Variants in TICRR observed in about 807,000 individuals in gnomAD.
TICRR encodes the protein treslin.
TICRR carries 132 observed loss-of-function variants against 178.1 expected under a neutral mutation model. The observed-to-expected ratio is 0.74, with a 90% CI of 0.64 to 0.86. The LOEUF is 0.86. Ranked by LOEUF, TICRR falls within the 40% of genes least tolerant of loss-of-function variation. The probability of loss-of-function intolerance (pLI) is 0.00; values close to 1 mark genes in which losing one functional copy is unlikely to be tolerated. For missense variants in TICRR, 2,587 were observed against 2,334.3 expected, an observed-to-expected ratio of 1.11 and a Z score of -2.23; for synonymous variants, 991 against 900.7, an observed-to-expected ratio of 1.10 and a Z score of -1.79.
Position 89,576,006 on chromosome 15 carries a change from C to A in TICRR, c.420C>A (p.Ala140=), listed in dbSNP as rs773301628. 14 of 1,607,956 alleles carry A rather than the reference C, an allele frequency of 8.7e-6. No homozygotes were observed. The highest frequency in any genetic ancestry group is 2.2e-5 in the South Asian group (2 of 90,570). ...GRRLLDVESE[A]KEAEAALGGL... ...GACTGCTGGACGTGGAGAGCGAGGC[C>A]AAGGAGGCCGAGGCCGCGCTCGGGG... The change falls in exon 1 of 22, where the codon GCC becomes GCA. Residue 140 remains alanine, a synonymous_variant. Coordinates refer to ENST00000268138, the MANE Select transcript of TICRR (RefSeq NM_152259.4).
chr15:89,622,803 G>A (rs1394467133), intron 19 of TICRR, among the ~76,000 whole-genome samples: 3 of 152,062 alleles, frequency 2.0e-5, no homozygotes, highest in African/African-American at 7.2e-5. Context: ...CCTACAGGCC[G>A]CCACCACCCC....
intron 7 of TICRR, among the ~76,000 whole-genome samples, chr15:89,599,114 T>C (rs8024868): frequency 0.83 from 125,113 of 151,006 alleles, 52,560 homozygotes; most frequent in Non-Finnish European, 0.92. Context: ...CTGTCCTATG[T>C]ATTGTAGGAT....
In TICRR at chr15:89,627,348, A is replaced by G. The variant is rs1339832839; in HGVS notation, c.*262A>G. 2.3e-6 allele frequency: 1 copy of G among 429,838 alleles called. No homozygotes were observed. The highest frequency in any genetic ancestry group is 4.5e-5 in the South Asian group (1 of 22,002). 26.6% of individuals were successfully genotyped at this position (429,838 alleles called of 1,614,324 possible). On this transcript the variant is annotated 3_prime_UTR_variant, in exon 22 of 22. Transcript: ENST00000268138. The stretch of plus-strand genomic sequence containing the variant: ...GGCAGCCTGGGAGTCAGGAACCCAG[A>G]CAAGGAATCCCATTCCAGCCTCACC...
intron 19 of TICRR, among the ~76,000 whole-genome samples, chr15:89,622,419 T>C (rs1380982639): frequency 6.6e-6 from 1 of 152,224 alleles, no homozygotes; most frequent in African/African-American, 2.4e-5. Flanking sequence ...CAGAGTGATC[T>C]TTCTGAAACA....
chr15:89,610,708 T>G (rs1008988286), intron 15 of TICRR, among the ~76,000 whole-genome samples: 6 of 152,202 alleles, frequency 3.9e-5, no homozygotes, highest in Admixed American at 6.5e-5. Flanking sequence ...TAATTACTAA[T>G]AAGGAACAAC....
At chr15:89,618,279 T>C in intron 17 of TICRR, 69 bp downstream of exon 17, 2 of 1,395,956 alleles carry the variant, frequency 1.4e-6, no homozygotes, top group South Asian at 1.2e-5. Flanking sequence ...CTGTATGTAT[T>C]GTTACTTGGC....
chr15:89,622,668 TC>T (rs1473598909), intron 19 of TICRR, among the ~76,000 whole-genome samples: 1 of 152,180 alleles, frequency 6.6e-6, no homozygotes, highest in African/African-American at 2.4e-5. Context: ...GGCAGGGTCT[TC>T]CGTGGTCTGT....
chr15:89,576,025 C>T lies in TICRR; in HGVS notation c.439C>T (p.Leu147Phe), dbSNP rs750280303. ...ESEAKEAEAALGGLVNAVFLL... is the reference protein window; with the variant it reads ...ESEAKEAEAAFGGLVNAVFLL... ...CGAGGCCAAGGAGGCCGAGGCCGCG[C>T]TCGGGGGCTTGGTGAACGCCGTCTT... Residue 147 changes from leucine (L) to phenylalanine (F), a missense_variant, in exon 1 of 22, where the codon CTC becomes TTC. Transcript: ENST00000268138. 11 of 1,609,724 alleles carry T rather than the reference C, an allele frequency of 6.8e-6. No homozygotes were observed. In the South Asian group the frequency reaches 1.1e-4, roughly 16 times the overall value.
At position 89,625,508 on chromosome 15, in the gene TICRR, C is replaced by A. The variant is rs1401929637; in HGVS notation, c.5198C>A (p.Pro1733His). 4.3e-6 allele frequency: 7 copies of A among 1,613,774 alleles called. No homozygotes were observed. The Admixed American group carries it at 8.3e-5, about 19-fold the overall frequency. The change falls in exon 20 of 22, where the codon CCC (proline) becomes CAC (histidine). Residue 1733 changes from proline to histidine, a missense_variant. Physicochemically the swap from Pro to His is moderately conservative, Grantham distance 77. Coordinates refer to ENST00000268138, the MANE Select transcript of TICRR (RefSeq NM_152259.4). Reference protein sequence around the residue: ...HGLELSIHRTPILEDFELEGV... With the variant: ...HGLELSIHRTHILEDFELEGV... ...CTTGAACTCAGCATCCACAGGACGCCCATCTTGGAGGATTTTGAGCTCGAG... is the reference window on the plus strand; with the variant it reads ...CTTGAACTCAGCATCCACAGGACGCACATCTTGGAGGATTTTGAGCTCGAG...
chr15:89,592,853 C>T (rs1962935743), intron 5 of TICRR, among the ~76,000 whole-genome samples: 1 of 152,146 alleles, frequency 6.6e-6, no homozygotes, highest in Non-Finnish European at 1.5e-5. Flanking sequence ...GTTCCAACAC[C>T]ATTTGCTAAA....
intron 13 of TICRR, 143 bp from the exon 14 acceptor site, chr15:89,606,625 C>T: frequency 2.9e-6 from 2 of 695,404 alleles, no homozygotes; most frequent in South Asian, 1.8e-5. Context: ...GTTTTTGGAA[C>T]ATTTCTGTTG....
chr15:89,619,765 C>T lies in TICRR; in HGVS notation c.3077C>T (p.Ser1026Phe), dbSNP rs532159490. Residue 1026 changes from serine to phenylalanine, a missense_variant, in exon 18 of 22, where the codon TCT becomes TTT. Ser to Phe is a radical substitution (Grantham distance 155). Coordinates refer to ENST00000268138, the MANE Select transcript of TICRR (RefSeq NM_152259.4). ...CAGTTGTCATTTAGCAGGACACATTCTGCCTCCTTCTATTCTGTGTCTCAG... is the reference window on the plus strand; with the variant it reads ...CAGTTGTCATTTAGCAGGACACATTTTGCCTCCTTCTATTCTGTGTCTCAG... ...IKQLSFSRTH[S>F]ASFYSVSQPK... 6.2e-7 allele frequency: 1 copy of T among 1,614,004 alleles called. No individual in the cohort carries two copies. The highest frequency in any genetic ancestry group is 2.2e-5 in the East Asian group (1 of 44,872).
intron 6 of TICRR, among the ~76,000 whole-genome samples, 153 bp downstream of exon 6, chr15:89,594,707 A>G (rs1446332060): frequency 2.6e-5 from 4 of 152,376 alleles, no homozygotes; most frequent in Non-Finnish European, 5.9e-5. Context: ...CATTAGTTCA[A>G]TAGTGATTTT....
intron 13 of TICRR, 108 bp from the exon 14 acceptor site, chr15:89,606,660 A>G: frequency 1.2e-6 from 1 of 835,474 alleles, no homozygotes; most frequent in Non-Finnish European, 2.0e-6. Context: ...TCTATTATGG[A>G]TCCCTATAAA....
Position 89,625,380 on chromosome 15 carries a change from G to A in TICRR, c.5070G>A (p.Arg1690=). The A allele has an allele frequency of 6.2e-7, 1 of 1,614,026 alleles. No individual in the cohort carries two copies. Among genetic ancestry groups the A allele is most frequent in the South Asian group, 1.1e-5 (1 of 91,082 alleles). Reference sequence around the variant, plus strand: ...TTAAAGACTGGCCCAGGAGGAAGAGGGCGGTGGGCTGTGGCGCCGGCTCCT... The same window carrying A: ...TTAAAGACTGGCCCAGGAGGAAGAGAGCGGTGGGCTGTGGCGCCGGCTCCT... The part of the protein sequence containing the change: ...DIIKDWPRRK[R]AVGCGAGSSS... The change falls in exon 20 of 22, where the codon AGG becomes AGA. Residue 1690 remains arginine (R), a synonymous_variant. Transcript: ENST00000268138.
At position 89,624,371 on chromosome 15, in the gene TICRR, C is replaced by T; in HGVS notation, c.4061C>T (p.Ser1354Phe). The change falls in exon 20 of 22, where the codon TCC (serine) becomes TTC (phenylalanine). Residue 1354 changes from serine to phenylalanine, a missense_variant. Coordinates refer to ENST00000268138, the MANE Select transcript of TICRR (RefSeq NM_152259.4). ...QMSPSVAASL[S>F]CPVPSTPPEL... ...TCACCCAGCGTAGCTGCATCTCTCT[C>T]CTGCCCTGTTCCCTCAACTCCCCCT... 2 of 1,614,122 alleles carry T rather than the reference C, an allele frequency of 1.2e-6. No individual in the cohort carries two copies. Among genetic ancestry groups the T allele is most frequent in the South Asian group, 1.1e-5 (1 of 91,082 alleles).
At chr15:89,579,062 G>A (rs970267526) in intron 1 of TICRR, among the ~76,000 whole-genome samples, 1 of 152,092 alleles carries the variant, frequency 6.6e-6, no homozygotes, top group Admixed American at 6.6e-5. Context: ...GCATAAAACA[G>A]GATATCATAT....
chr15:89,585,618 G>A, intron 3 of TICRR, 90 bp from the exon 4 acceptor site: 1 of 885,634 alleles, frequency 1.1e-6, no homozygotes, highest in Non-Finnish European at 1.8e-6. Flanking sequence ...TAATAATTGG[G>A]AAAATGGTTA....
chr15:89,577,168 A>G (rs1234347892), intron 1 of TICRR, among the ~76,000 whole-genome samples: 1 of 152,104 alleles, frequency 6.6e-6, no homozygotes, highest in Non-Finnish European at 1.5e-5. Flanking sequence ...CCAGGATTAT[A>G]GGTGTGAGCC....
Sources: gnomAD v4.1 joint callset for allele counts (sites outside exome capture counted in the v4.1 genomes callset) on GRCh38, gnomAD v4.1.1 for gene constraint, MANE v1.5 for transcripts, NCBI Gene and HGNC (gene_info 2026-07-23, HGNC 2026-07-21) for gene names.